Variants in ADGRB2 observed in about 807,000 individuals in gnomAD.
ADGRB2 encodes the protein brain-specific angiogenesis inhibitor 2.
ADGRB2 carries 47 observed loss-of-function variants against 178.7 expected under a neutral mutation model. The ratio of observed to expected loss-of-function variants is 0.26; its 90% CI spans 0.21 to 0.34. The LOEUF (loss-of-function observed/expected upper bound fraction) is 0.34. Among genes scored for constraint, ADGRB2 ranks in the 10% least tolerant of loss-of-function variants. ADGRB2 has a pLI of 1.00. For missense variants in ADGRB2, 1,584 were observed against 2,180.8 expected (o/e 0.73, Z 5.45); for synonymous variants, 870 against 912.4 (o/e 0.95, Z 0.84).
In ADGRB2 at chr1:31,739,653, T is replaced by G. The variant is rs12749187; in HGVS notation, c.2168-18A>C. On this transcript the variant is annotated intron_variant, in intron 14 of 32. Transcript: ENST00000373658. ...GCTGATCACTGCAGTGGGAGGAGGG[T>G]GGACAGAGACAGACAGAGGGGCAGA... The G allele has an allele frequency of 0.042, 66,225 of 1,559,966 alleles. 2,070 individuals carry two copies. Among genetic ancestry groups the G allele is most frequent in the African/African-American group, 0.16 (11,695 of 73,538 alleles).
chr1:31,755,929 C>T lies in ADGRB2; in HGVS notation c.838+70G>A. The T allele has an allele frequency of 6.5e-7, 1 of 1,536,742 alleles. No homozygotes were observed. The highest frequency in any genetic ancestry group is 8.8e-7 in the Non-Finnish European group (1 of 1,137,902). On this transcript the variant is annotated intron_variant, in intron 4 of 32. Transcript: ENST00000373658. This position sits in a 1 kb window ranked among gnomAD's most constrained non-coding sequence, Gnocchi z 5.1. ...AGCTACATGCATGGCCGAGGATCTG[C>T]CAGGATGGACACCAGGGACACTGTC...
In ADGRB2 at chr1:31,759,382, C is replaced by T. The variant is rs765068964; in HGVS notation, c.-190-1871G>A. On this transcript the variant is annotated intron_variant, in intron 1 of 32. Coordinates refer to ENST00000373658, the MANE Select transcript of ADGRB2 (RefSeq NM_001364857.2). The surrounding 1 kb of genome is among the most constrained non-coding windows in gnomAD (Gnocchi z 4.3). ...GCTAAGTGTCAGGCAGGATCCTCTG[C>T]GGGGTCTTCCTTTGCATGTCTGAAG... 26 of 779,496 alleles carry T rather than the reference C, an allele frequency of 3.3e-5. No individual in the cohort carries two copies. Among genetic ancestry groups the T allele is most frequent in the Admixed American group, 5.1e-5 (3 of 59,000 alleles). 48.3% of individuals were successfully genotyped at this position (779,496 alleles called of 1,614,324 possible).
Position 31,742,910 on chromosome 1 carries a change from G to A in ADGRB2, c.1180C>T (p.Pro394Ser), listed in dbSNP as rs1646057028. 1 of 1,542,042 alleles carries A rather than the reference G, an allele frequency of 6.5e-7. No homozygotes were observed. Among genetic ancestry groups the A allele is most frequent in the East Asian group, 2.5e-5 (1 of 40,314 alleles). Reference protein sequence around the residue: ...SRSRMRTCVPPQHGGKACEGP... With the variant: ...SRSRMRTCVPSQHGGKACEGP... ...TCGCAGGCCTTGCCGCCGTGCTGGG[G>A]GGGCACGCAGGTCCGCATCCGGCTC... is the stretch of plus-strand genomic sequence containing the variant. Residue 394 changes from proline (P) to serine (S), a missense_variant, in exon 7 of 33, where the codon CCC (proline) becomes TCC (serine). Transcript: ENST00000373658.
Position 31,728,362 on chromosome 1 carries a change from C to A in ADGRB2, c.4417-82G>T, listed in dbSNP as rs937012487. 1.5e-5 allele frequency: 21 copies of A among 1,415,266 alleles called. No individual in the cohort carries two copies. Among genetic ancestry groups the A allele is most frequent in the Admixed American group, 1.8e-5 (1 of 54,878 alleles). The allele number at this position is 1,415,266 out of a possible 1,614,324, so 87.7% of individuals were successfully genotyped here. On this transcript the variant is annotated intron_variant, in intron 30 of 32. Coordinates refer to ENST00000373658, the MANE Select transcript of ADGRB2 (RefSeq NM_001364857.2). The surrounding 1 kb of genome is among the most constrained non-coding windows in gnomAD (Gnocchi z 6.7). ...TACCCAGGGCACTCAGCACCCCAAGCCCCCCACATCCCTCCCTGCTGCCAG... is the reference window on the plus strand; with the variant it reads ...TACCCAGGGCACTCAGCACCCCAAGACCCCCACATCCCTCCCTGCTGCCAG...
chr1:31,734,040 G>A (rs1269654771), intron 25 of ADGRB2, among the ~76,000 whole-genome samples: 2 of 152,122 alleles, frequency 1.3e-5, no homozygotes, highest in African/African-American at 2.4e-5. Context: ...AGCCGGGGGA[G>A]GCCAAAGCAG....
At position 31,727,180 on chromosome 1, in the gene ADGRB2, C is replaced by T. The variant is rs186425355; in HGVS notation, c.*240G>A. 1.4e-3 allele frequency: 673 copies of T among 473,406 alleles called. 5 individuals are homozygous for T. The highest frequency in any genetic ancestry group is 0.013 in the African/African-American group (644 of 48,566). The allele number at this position is 473,406 out of a possible 1,614,324, so 29.3% of individuals were successfully genotyped here. A position where few individuals can be genotyped will look rare whatever the true frequency, so the allele number is the denominator to read the frequency against. ...CCCCCTCCCCAGCCCGGGACAGGGA[C>T]GGACAGGCTGGGCTGAAGATGGGGT... On this transcript the variant is annotated 3_prime_UTR_variant, in exon 33 of 33. Coordinates refer to ENST00000373658, the MANE Select transcript of ADGRB2 (RefSeq NM_001364857.2). The surrounding 1 kb of genome is among the most constrained non-coding windows in gnomAD (Gnocchi z 4.4).
chr1:31,732,933 T>C, intron 26 of ADGRB2, 39 bp downstream of exon 26: 1 of 1,539,286 alleles, frequency 6.5e-7, no homozygotes, highest in Non-Finnish European at 8.8e-7. Context: ...GCCTGGCAGG[T>C]GTGGTGGGCA....
Position 31,735,907 on chromosome 1 carries a change from G to A in ADGRB2, c.3201-14C>T. ...GAGAGCCAGCAGCTGGGGTGGGGGA[G>A]AAGAAGGGTGTCAGACACCCAGCAG... On this transcript the variant is annotated splice_polypyrimidine_tract_variant and intron_variant, in intron 22 of 32. Coordinates refer to ENST00000373658, the MANE Select transcript of ADGRB2 (RefSeq NM_001364857.2). This position sits in a 1 kb window ranked among gnomAD's most constrained non-coding sequence, Gnocchi z 6.0. 1 of 1,576,764 alleles carries A rather than the reference G, an allele frequency of 6.3e-7. No individual in the cohort carries two copies. The highest frequency in any genetic ancestry group is 1.2e-5 in the South Asian group (1 of 86,448).
rs999252838 is a variant in ADGRB2 at position 31,764,329 on chromosome 1, G to T, written c.-636C>A. On this transcript the variant is annotated 5_prime_UTR_variant, in exon 1 of 33. Transcript: ENST00000373658. The surrounding 1 kb of genome is among the most constrained non-coding windows in gnomAD (Gnocchi z 7.3). Reference sequence around the variant, plus strand: ...GCTCCGGCCGCTGCCCGCAGCGCGCGCCGGGCCGAGTGACGGCCGAGGCGG... The same window carrying T: ...GCTCCGGCCGCTGCCCGCAGCGCGCTCCGGGCCGAGTGACGGCCGAGGCGG... 6.4e-6 allele frequency: 1 copy of T among 155,406 alleles called. No individual in the cohort carries two copies. Among genetic ancestry groups the T allele is most frequent in the Non-Finnish European group, 1.3e-5 (1 of 74,612 alleles). 9.6% of individuals were successfully genotyped at this position (155,406 alleles called of 1,614,324 possible).
At position 31,759,488 on chromosome 1, in the gene ADGRB2, A is replaced by G. The variant is rs1410280256; in HGVS notation, c.-190-1977T>C. 2 of 709,602 alleles carry G rather than the reference A, an allele frequency of 2.8e-6. No homozygotes were observed. The highest frequency in any genetic ancestry group is 4.0e-5 in the Admixed American group (2 of 50,616). 44.0% of individuals were successfully genotyped at this position (709,602 alleles called of 1,614,324 possible). A position where few individuals can be genotyped will look rare whatever the true frequency, so the allele number is the denominator to read the frequency against. ...CGCCCCATCAAGAAGCACAAGGTCC[A>G]CATCCTTCAGAGCCACAGGCTGGCT... On this transcript the variant is annotated intron_variant, in intron 1 of 32. Transcript: ENST00000373658. The surrounding 1 kb of genome is among the most constrained non-coding windows in gnomAD (Gnocchi z 4.3).
chr1:31,739,061 C>T (rs2148940360), intron 15 of ADGRB2, 124 bp from the exon 16 acceptor site: 2 of 929,424 alleles, frequency 2.2e-6, no homozygotes, highest in East Asian at 2.6e-5. Context: ...GAAGGCCTAA[C>T]TCAGTGGGGT....
chr1:31,739,450 T>A lies in ADGRB2; in HGVS notation c.2353A>T (p.Arg785Trp). ...ATSGAAGSPGRGRGPGTVPPG... is the reference protein window; with the variant it reads ...ATSGAAGSPGWGRGPGTVPPG... ...GGCACCGTTCCTGGGCCCCTCCCCC[T>A]GCCAGGGCTGCCTGCTGCCCCAGAT... Residue 785 changes from arginine (R) to tryptophan (W), a missense_variant, in exon 15 of 33, where the codon AGG becomes TGG. Arg to Trp is a moderately radical substitution (Grantham distance 101). Coordinates refer to ENST00000373658, the MANE Select transcript of ADGRB2 (RefSeq NM_001364857.2). 6.2e-7 allele frequency: 1 copy of A among 1,601,200 alleles called. No individual in the cohort carries two copies. Among genetic ancestry groups the A allele is most frequent in the East Asian group, 2.3e-5 (1 of 44,288 alleles).
intron 25 of ADGRB2, among the ~76,000 whole-genome samples, chr1:31,734,185 A>G (rs1645446454): frequency 1.3e-5 from 2 of 152,234 alleles, no homozygotes; most frequent in African/African-American, 4.8e-5. Context: ...AATCACAGTA[A>G]TAAGAGCTAC....
chr1:31,729,322 A>C (rs1405660142), intron 29 of ADGRB2, among the ~76,000 whole-genome samples: 2 of 152,114 alleles, frequency 1.3e-5, no homozygotes, highest in Non-Finnish European at 2.9e-5. Context: ...CAGGCCTTCG[A>C]AGGTGATACT....
At position 31,756,090 on chromosome 1, in the gene ADGRB2, A is replaced by G; in HGVS notation, c.747T>C (p.Asn249=). 2 of 1,613,886 alleles carry G rather than the reference A, an allele frequency of 1.2e-6. No homozygotes were observed. The highest frequency in any genetic ancestry group is 1.7e-6 in the Non-Finnish European group (2 of 1,179,940). The change falls in exon 4 of 33, where the codon AAT becomes AAC. Residue 249 remains asparagine, a synonymous_variant. Transcript: ENST00000373658. The surrounding 1 kb of genome is among the most constrained non-coding windows in gnomAD (Gnocchi z 8.5). ...PGPPAAHTLS[N]ALVPGGPAPP... ...GGGCTGGGCCCCCGGGCACCAGGGC[A>G]TTGGACAGGGTGTGGGCAGCAGGAG... is the stretch of plus-strand genomic sequence containing the variant.
At position 31,735,022 on chromosome 1, in the gene ADGRB2, C is replaced by T. The variant is rs1310251435; in HGVS notation, c.3452+161G>A. Among the ~76,000 whole-genome samples the T allele has an allele frequency of 6.6e-6, 1 of 152,144 alleles. No homozygotes were observed. The highest frequency in any genetic ancestry group is 6.5e-5 in the Admixed American group (1 of 15,280). On this transcript the variant is annotated intron_variant, in intron 25 of 32. Coordinates refer to ENST00000373658, the MANE Select transcript of ADGRB2 (RefSeq NM_001364857.2). The surrounding 1 kb of genome is among the most constrained non-coding windows in gnomAD (Gnocchi z 6.0). ...CATCCACTCCTCATCGCCTTGGCCA[C>T]CTCTTGCCGAGCCCTTGAGAGTGTG...
chr1:31,740,698 C>CCGAG lies in ADGRB2; in HGVS notation c.1795-161_1795-158dup, dbSNP rs1645893639. Reference sequence around the variant, plus strand: ...AAGGGGCACACAGGGGAGACAGAGTCCGAGAAAGAGACTCATAGAGAGAGA... The same window carrying CCGAG: ...AAGGGGCACACAGGGGAGACAGAGTCCGAGCGAGAAAGAGACTCATAGAGAGAGA... On this transcript the variant is annotated intron_variant, in intron 11 of 32. Coordinates refer to ENST00000373658, the MANE Select transcript of ADGRB2 (RefSeq NM_001364857.2). The surrounding 1 kb of genome is among the most constrained non-coding windows in gnomAD (Gnocchi z 5.9). Among the ~76,000 whole-genome samples, 1 of 151,812 alleles carries CCGAG rather than the reference C, an allele frequency of 6.6e-6. No homozygotes were observed. The highest frequency in any genetic ancestry group is 1.5e-5 in the Non-Finnish European group (1 of 67,986).
chr1:31,736,260 C>G, intron 22 of ADGRB2, 61 bp downstream of exon 22: 1 of 1,579,642 alleles, frequency 6.3e-7, no homozygotes, highest in Non-Finnish European at 8.7e-7. Context: ...AGCCAGCTGC[C>G]CAGTCCGATT....
Position 31,744,048 on chromosome 1 carries a change from C to A in ADGRB2, c.1087+145G>T, listed in dbSNP as rs112834484. 5.4e-6 allele frequency: 6 copies of A among 1,113,170 alleles called. No homozygotes were observed. In the Admixed American group the frequency reaches 1.2e-4, roughly 23 times the overall value. 69.0% of individuals were successfully genotyped at this position (1,113,170 alleles called of 1,614,324 possible). On this transcript the variant is annotated intron_variant, in intron 6 of 32. Transcript: ENST00000373658. The surrounding 1 kb of genome is among the most constrained non-coding windows in gnomAD (Gnocchi z 6.7). ...TGCCCTGCACCGGGCTGGCATGGTA[C>A]GCAGAGTTGGGCATGGTGTGGGGAA...
Sources: allele counts gnomAD v4.1 joint callset (sites outside exome capture counted in the v4.1 genomes callset), GRCh38; gene constraint gnomAD v4.1.1; non-coding constraint Gnocchi (gnomAD v3.1); transcripts MANE v1.5; gene names NCBI Gene and HGNC (gene_info 2026-07-23, HGNC 2026-07-21).